TBC1D16: variants seen among roughly 807,000 people sequenced by gnomAD.
TBC1D16 encodes the protein TBC1 domain family member 16, also known as CTD-2529O21.1.
In TBC1D16, 58 loss-of-function variants were observed where a neutral mutation model predicts 74.7. The observed-to-expected ratio is 0.78, with a 90% CI of 0.63 to 0.97. The LOEUF is 0.97. Among genes scored for constraint, TBC1D16 ranks in the 50% least tolerant of loss-of-function variants. TBC1D16 has a pLI of 0.00. For synonymous variants in TBC1D16, 493 were observed against 474.7 expected, an observed-to-expected ratio of 1.04 and a Z score of -0.50; for missense variants, 1,014 against 1,079.5, an observed-to-expected ratio of 0.94 and a Z score of 0.85.
Position 80,008,777 on chromosome 17 carries a change from C to T in TBC1D16, c.779+1383G>A, listed in dbSNP as rs560505969. 3.3e-5 allele frequency among the ~76,000 whole-genome samples: 5 copies of T among 152,316 alleles called. No homozygotes were observed. The South Asian group carries it at 1.0e-3, about 32-fold the overall frequency. ...CTCCAATAACTGAGATGAATGTTAT[C>T]GGTTCACCCTGGGGCTCTAATGGAC... is the stretch of plus-strand genomic sequence containing the variant. On this transcript the variant is annotated intron_variant, in intron 3 of 11. Transcript: ENST00000310924. This position sits in a 1 kb window ranked among gnomAD's most constrained non-coding sequence, Gnocchi z 4.5.
At position 80,001,265 on chromosome 17, in the gene TBC1D16, A is replaced by G. The variant is rs544549873; in HGVS notation, c.779+8895T>C. 9.3e-4 allele frequency among the ~76,000 whole-genome samples: 141 copies of G among 152,084 alleles called. No individual in the cohort carries two copies. The highest frequency in any genetic ancestry group is 9.0e-3 in the South Asian group (43 of 4,804). On this transcript the variant is annotated intron_variant, in intron 3 of 11. Transcript: ENST00000310924. The surrounding 1 kb of genome is among the most constrained non-coding windows in gnomAD (Gnocchi z 5.8). ...TGGTGGTGGCCACCTTGGCTTGGGC[A>G]GGGGGGAGTCTGGGGGAGGGAGGAA...
At chr17:79,973,270 CAAT>C (rs1183431715) in intron 3 of TBC1D16, among the ~76,000 whole-genome samples, 1 of 151,730 alleles carries the variant, frequency 6.6e-6, no homozygotes, top group Non-Finnish European at 1.5e-5. Context: ...AGATGAACAA[CAAT>C]AATAATAAAA....
Position 79,988,325 on chromosome 17 carries a change from A to G in TBC1D16, c.779+21835T>C, listed in dbSNP as rs1180113836. Reference sequence around the variant, plus strand: ...GCTGAACAAACACCACCACCCTGAAAAGTCACCAGCCCATGGGCCTCTCCC... The same window carrying G: ...GCTGAACAAACACCACCACCCTGAAGAGTCACCAGCCCATGGGCCTCTCCC... On this transcript the variant is annotated intron_variant, in intron 3 of 11. Transcript: ENST00000310924. This position sits in a 1 kb window ranked among gnomAD's most constrained non-coding sequence, Gnocchi z 5.7. Among the ~76,000 whole-genome samples the G allele has an allele frequency of 6.6e-6, 1 of 152,194 alleles. No individual in the cohort carries two copies. Among genetic ancestry groups the G allele is most frequent in the Non-Finnish European group, 1.5e-5 (1 of 68,030 alleles).
Position 79,950,738 on chromosome 17 carries a change from C to G in TBC1D16, c.1090-160G>C. On this transcript the variant is annotated intron_variant, in intron 5 of 11. Coordinates refer to ENST00000310924, the MANE Select transcript of TBC1D16 (RefSeq NM_019020.4). This position sits in a 1 kb window ranked among gnomAD's most constrained non-coding sequence, Gnocchi z 4.6. ...CCTAAATGGCGAGTGTAATTAGGCG[C>G]AATTAAAATGAAAATACCTTCATCT... 6.5e-7 allele frequency: 1 copy of G among 1,537,432 alleles called. No homozygotes were observed. Among genetic ancestry groups the G allele is most frequent in the Non-Finnish European group, 8.7e-7 (1 of 1,145,358 alleles).
intron 1 of TBC1D16, among the ~76,000 whole-genome samples, chr17:80,024,970 C>T (rs1273400245): frequency 5.2e-5 from 7 of 133,760 alleles, no homozygotes; most frequent in Admixed American, 4.4e-4. Context: ...CACACACAAC[C>T]CCGTAGGCAC....
intron 3 of TBC1D16, among the ~76,000 whole-genome samples, chr17:79,960,706 C>G: frequency 7.4e-6 from 1 of 134,940 alleles, no homozygotes; most frequent in African/African-American, 2.8e-5. Context: ...AGTGAGCCAA[C>G]ATCATGCCAC....
chr17:80,019,324 G>C lies in TBC1D16; in HGVS notation c.-62-5715C>G, dbSNP rs576551952. On this transcript the variant is annotated intron_variant, in intron 1 of 11. Transcript: ENST00000310924. Reference sequence around the variant, plus strand: ...GTGCAGCTTTACGGAGGAGAAGACAGGTTCTGACCACTCAGGGTCATTTCG... The same window carrying C: ...GTGCAGCTTTACGGAGGAGAAGACACGTTCTGACCACTCAGGGTCATTTCG... 5.3e-5 allele frequency among the ~76,000 whole-genome samples: 8 copies of C among 149,884 alleles called. No individual in the cohort carries two copies. In the South Asian group the frequency reaches 1.0e-3, roughly 20 times the overall value.
intron 3 of TBC1D16, among the ~76,000 whole-genome samples, chr17:79,977,941 C>T (rs556734793): frequency 1.3e-5 from 2 of 152,352 alleles, no homozygotes; most frequent in South Asian, 4.1e-4. Context: ...GGGGTGGGAC[C>T]CCTAAGCTTT....
At chr17:79,996,422 C>T (rs1276795249) in intron 3 of TBC1D16, among the ~76,000 whole-genome samples, 4 of 152,094 alleles carry the variant, frequency 2.6e-5, no homozygotes, top group Admixed American at 2.6e-4. Flanking sequence ...CTGATTAAAA[C>T]CACAATGAGA....
intron 3 of TBC1D16, among the ~76,000 whole-genome samples, chr17:80,005,371 T>A (rs2035636389): frequency 6.6e-6 from 1 of 152,202 alleles, no homozygotes; most frequent in African/African-American, 2.4e-5. Flanking sequence ...ACCAGCCCCA[T>A]GGCGCCCCGT....
chr17:79,967,896 A>G (rs2033908716), intron 3 of TBC1D16, among the ~76,000 whole-genome samples: 1 of 152,256 alleles, frequency 6.6e-6, no homozygotes, highest in Non-Finnish European at 1.5e-5. Context: ...CATATTGATC[A>G]ATGGAATAGA....
intron 10 of TBC1D16, among the ~76,000 whole-genome samples, chr17:79,943,202 G>T (rs1416965860): frequency 6.6e-6 from 1 of 152,242 alleles, no homozygotes; most frequent in East Asian, 1.9e-4. Context: ...CTGCCCGGCT[G>T]CTTCCTCTGA....
chr17:79,950,735 G>T lies in TBC1D16; in HGVS notation c.1090-157C>A. Reference sequence around the variant, plus strand: ...ACCCCTAAATGGCGAGTGTAATTAGGCGCAATTAAAATGAAAATACCTTCA... The same window carrying T: ...ACCCCTAAATGGCGAGTGTAATTAGTCGCAATTAAAATGAAAATACCTTCA... On this transcript the variant is annotated intron_variant, in intron 5 of 11. Coordinates refer to ENST00000310924, the MANE Select transcript of TBC1D16 (RefSeq NM_019020.4). This position sits in a 1 kb window ranked among gnomAD's most constrained non-coding sequence, Gnocchi z 4.6. 6.5e-7 allele frequency: 1 copy of T among 1,537,744 alleles called. No homozygotes were observed. The highest frequency in any genetic ancestry group is 8.7e-7 in the Non-Finnish European group (1 of 1,145,232).
chr17:80,023,948 G>T (rs1272692281), intron 1 of TBC1D16: 2 of 150,434 alleles, frequency 1.3e-5, no homozygotes. Context: ...AGAGCGGGAG[G>T]AAAGAGCTCC....
chr17:79,974,806 G>C (rs941908755), intron 3 of TBC1D16, among the ~76,000 whole-genome samples: 1 of 152,168 alleles, frequency 6.6e-6, no homozygotes, highest in African/African-American at 2.4e-5. Context: ...GGTGGGGCTG[G>C]TAGGAGGCTG....
At chr17:79,942,006 G>A in intron 11 of TBC1D16, 54 bp downstream of exon 11, 1 of 1,504,470 alleles carries the variant, frequency 6.6e-7, no homozygotes, top group Non-Finnish European at 9.0e-7. Flanking sequence ...CGAGCTGGTG[G>A]GGTGGGGCTT....
At chr17:80,013,844 C>T (rs2035994064) in intron 1 of TBC1D16, among the ~76,000 whole-genome samples, 1 of 152,164 alleles carries the variant, frequency 6.6e-6, no homozygotes, top group South Asian at 2.1e-4. Context: ...CAGCACCTCC[C>T]TTCCCAGTAC....
rs2031653061 is a variant in TBC1D16 at position 79,936,937 on chromosome 17, T to TGTGTGTGC, written c.*3921_*3922insGCACACAC. On this transcript the variant is annotated 3_prime_UTR_variant, in exon 12 of 12. Coordinates refer to ENST00000310924, the MANE Select transcript of TBC1D16 (RefSeq NM_019020.4). ...GTGTGTGTGTGTGTGTGTGTGTGTG[T>TGTGTGTGC]GTGCGCATTTTCCCAGGGGACCTCT... 1 of 150,782 alleles carries TGTGTGTGC rather than the reference T, an allele frequency of 6.6e-6. No homozygotes were observed. The highest frequency in any genetic ancestry group is 2.5e-5 in the African/African-American group (1 of 40,654). The allele number at this position is 150,782 out of a possible 1,614,324, so 9.3% of individuals were successfully genotyped here. A position where few individuals can be genotyped will look rare whatever the true frequency, so the allele number is the denominator to read the frequency against.
rs755727206 is a variant in TBC1D16 at position 80,010,384 on chromosome 17, C to A, written c.555G>T (p.Gly185=). 32 of 1,611,988 alleles carry A rather than the reference C, an allele frequency of 2.0e-5. No individual in the cohort carries two copies. The highest frequency in any genetic ancestry group is 2.7e-5 in the Non-Finnish European group (32 of 1,179,314). Residue 185 remains glycine, a synonymous_variant, in exon 3 of 12, where the codon GGG becomes GGT. Transcript: ENST00000310924. This position sits in a 1 kb window ranked among gnomAD's most constrained non-coding sequence, Gnocchi z 8.8. The part of the protein sequence containing the change: ...PASQPACSPS[G]ILSTVSPQDV... ...CCTGCGGACTGACCGTCGACAAGAT[C>A]CCGGAGGGGCTGCAAGCAGGCTGCG...
Sources: allele counts gnomAD v4.1 joint callset (sites outside exome capture counted in the v4.1 genomes callset), GRCh38; gene constraint gnomAD v4.1.1; non-coding constraint Gnocchi (gnomAD v3.1); transcripts MANE v1.5; gene names NCBI Gene and HGNC (gene_info 2026-07-23, HGNC 2026-07-21).